Variants in TEX14 observed in about 807,000 individuals in gnomAD.
TEX14 encodes testis expressed 14, intercellular bridge forming factor.
TEX14 carries 168 observed loss-of-function variants against 178.6 expected under a neutral mutation model. That is an observed-to-expected ratio of 0.94 (90% CI 0.83 to 1.07). The LOEUF (loss-of-function observed/expected upper bound fraction) is 1.07. TEX14 is among the 50% of genes least tolerant of loss of function. The pLI, the probability that TEX14 is intolerant of heterozygous loss-of-function variation, is 0.00. For synonymous variants in TEX14, 626 were observed against 634.1 expected, an observed-to-expected ratio of 0.99 and a Z score of 0.19; for missense variants, 1,730 against 1,753.6, an observed-to-expected ratio of 0.99 and a Z score of 0.24.
Position 58,599,222 on chromosome 17 carries a change from G to A in TEX14, c.2123C>T (p.Ser708Leu). 6.2e-7 allele frequency: 1 copy of A among 1,614,008 alleles called. No individual in the cohort carries two copies. Among genetic ancestry groups the A allele is most frequent in the South Asian group, 1.1e-5 (1 of 91,080 alleles). Residue 708 changes from serine (S) to leucine (L), a missense_variant, in exon 14 of 32, where the codon TCA becomes TTA. This residue lies in a region of TEX14 where 941 missense variants were observed against 1,072.4 expected (regional missense o/e 0.88). Coordinates refer to ENST00000349033, the MANE Select transcript of TEX14 (RefSeq NM_031272.5). Reference sequence around the variant, plus strand: ...CAAATTGCTCTTGGCTTCTCTGGTTGACTCAGGAAGGCTGAGTGAACTGAG... The same window carrying A: ...CAAATTGCTCTTGGCTTCTCTGGTTAACTCAGGAAGGCTGAGTGAACTGAG... ...GSLSSLSLPE[S>L]TREAKSNLNN... is the part of the protein sequence containing the mutation.
chr17:58,623,092 G>T, intron 3 of TEX14, 80 bp from the exon 4 acceptor site: 1 of 1,342,206 alleles, frequency 7.5e-7, no homozygotes. Flanking sequence ...GTGCAACACA[G>T]GGCTCCCATT....
In TEX14 at chr17:58,628,668, C is replaced by A. The variant is rs952366849; in HGVS notation, c.251+1772G>T. ...CACAGATTGCAATGAGCCGAGATTG[C>A]GCCACTGCACTCCAGCCTGGGCAAC... is the stretch of plus-strand genomic sequence containing the variant. On this transcript the variant is annotated intron_variant, in intron 3 of 31. Coordinates refer to ENST00000349033, the MANE Select transcript of TEX14 (RefSeq NM_031272.5). 2.0e-5 allele frequency among the ~76,000 whole-genome samples: 3 copies of A among 151,200 alleles called. No homozygotes were observed. In the East Asian group the frequency reaches 5.8e-4, roughly 29 times the overall value.
intron 15 of TEX14, among the ~76,000 whole-genome samples, chr17:58,588,733 C>T (rs774573970): frequency 1.3e-4 from 20 of 152,148 alleles, no homozygotes; most frequent in Non-Finnish European, 2.8e-4. Flanking sequence ...GCCAAGGCTT[C>T]CTCATTTGCA....
At position 58,574,252 on chromosome 17, in the gene TEX14, G is replaced by A. The variant is rs2144371100; in HGVS notation, c.3321-3C>T. 1.2e-6 allele frequency: 2 copies of A among 1,610,546 alleles called. No homozygotes were observed. The highest frequency in any genetic ancestry group is 1.7e-6 in the Non-Finnish European group (2 of 1,177,328). On this transcript the variant is annotated splice_region_variant and splice_polypyrimidine_tract_variant and intron_variant, in intron 21 of 31. Transcript: ENST00000349033. The stretch of plus-strand genomic sequence containing the variant: ...TCTCTTCTTGTTCATCTTCAGTACT[G>A]TGAGAAAGAAAGTAAGAAAATTACA...
intron 2 of TEX14, among the ~76,000 whole-genome samples, chr17:58,645,784 C>T (rs189018136): frequency 7.9e-5 from 12 of 152,302 alleles, no homozygotes; most frequent in African/African-American, 2.9e-4. Flanking sequence ...AGACAGTCAT[C>T]CCTCGGTACC....
At position 58,636,879 on chromosome 17, in the gene TEX14, CT is replaced by C. The variant is rs557975127; in HGVS notation, c.137-6326del. On this transcript the variant is annotated intron_variant, in intron 2 of 31. Transcript: ENST00000349033. ...AGTGAGCTGAGATCGCGCCACTACA[CT>C]CCAGCCTGGGCGACAGAGTGAGACT... Among the ~76,000 whole-genome samples the C allele has an allele frequency of 4.4e-3, 666 of 151,786 alleles. 3 individuals carry two copies. The highest frequency in any genetic ancestry group is 0.015 in the African/African-American group (634 of 41,312).
chr17:58,661,793 G>A (rs1212724152), intron 1 of TEX14: 5 of 500,168 alleles, frequency 1.0e-5, no homozygotes, highest in Non-Finnish European at 1.7e-5. Context: ...GCTCCACTCC[G>A]GGTCTTCGTC....
chr17:58,651,879 T>C lies in TEX14; in HGVS notation c.123A>G (p.Lys41=). The C allele has an allele frequency of 1.5e-5, 24 of 1,605,810 alleles. No homozygotes were observed. Among genetic ancestry groups the C allele is most frequent in the Non-Finnish European group, 2.0e-5 (24 of 1,177,988 alleles). ...VKQGNYVKVK[K]ILKKGIYVDA... is the part of the protein sequence containing the mutation. ...CATGGTGCTTACCTTTCTTAAGAAT[T>C]TTCTTCACTTTCACATAGTTCCCTT... The change falls in exon 2 of 32, where the codon AAA becomes AAG. Residue 41 remains lysine, a synonymous_variant. Coordinates refer to ENST00000349033, the MANE Select transcript of TEX14 (RefSeq NM_031272.5).
chr17:58,577,324 T>A (rs764146837), intron 21 of TEX14, 51 bp downstream of exon 21: 2 of 729,250 alleles, frequency 2.7e-6, no homozygotes, highest in Non-Finnish European at 2.2e-6. Flanking sequence ...TATCACCATT[T>A]AACATTGCAT....
intron 1 of TEX14, among the ~76,000 whole-genome samples, chr17:58,659,597 T>A (rs1250420636): frequency 2.0e-5 from 3 of 152,230 alleles, no homozygotes; most frequent in Non-Finnish European, 2.9e-5. Flanking sequence ...TCGCTCTAGC[T>A]GCCGCTCCCA....
chr17:58,642,435 C>T (rs2046595893), intron 2 of TEX14, among the ~76,000 whole-genome samples: 1 of 152,042 alleles, frequency 6.6e-6, no homozygotes, highest in South Asian at 2.1e-4. Context: ...TAATTTTTTT[C>T]AGAAAAAGGG....
chr17:58,655,472 G>A (rs1031101316), intron 1 of TEX14, among the ~76,000 whole-genome samples: 7 of 152,052 alleles, frequency 4.6e-5, no homozygotes, highest in Admixed American at 1.3e-4. Context: ...AGAAGCCACC[G>A]CACCCGGCGA....
rs1327859550 is a variant in TEX14, at chr17:58,633,217, G to A, written c.137-2663C>T. Among the ~76,000 whole-genome samples, 4 of 152,046 alleles carry A rather than the reference G, an allele frequency of 2.6e-5. No homozygotes were observed. In the East Asian group the frequency reaches 7.7e-4, roughly 29 times the overall value. On this transcript the variant is annotated intron_variant, in intron 2 of 31. Transcript: ENST00000349033. ...ACTTATCTTCATCATTCAGACATTGGTCCAAATGTCATTGTCTCAGGAAAT... is the reference window on the plus strand; with the variant it reads ...ACTTATCTTCATCATTCAGACATTGATCCAAATGTCATTGTCTCAGGAAAT...
At chr17:58,594,663 TCTTGTACTTATCCATAAAGTAAGAC>T (rs1567724404) in intron 14 of TEX14, among the ~76,000 whole-genome samples, 1 of 152,162 alleles carries the variant, frequency 6.6e-6, no homozygotes, top group Non-Finnish European at 1.5e-5. Flanking sequence ...ACTAAGAGAA[TCTTGTACTTATCCATAAAGTAAGAC>T]CTTGTACTTA....
At chr17:58,638,120 A>G (rs2046481896) in intron 2 of TEX14, among the ~76,000 whole-genome samples, 1 of 152,046 alleles carries the variant, frequency 6.6e-6, no homozygotes, top group African/African-American at 2.4e-5. Context: ...TCAGCCTCCC[A>G]GAAGTGCTGG....
rs115209736 is a variant in TEX14 at position 58,614,994 on chromosome 17, C to T, written c.881+238G>A. ...GCATTCAGAGACATGGGTTACAGGG[C>T]GGCTGACAGCTGACAGAGCCCCTCA... On this transcript the variant is annotated intron_variant, in intron 8 of 31. Coordinates refer to ENST00000349033, the MANE Select transcript of TEX14 (RefSeq NM_031272.5). Among the ~76,000 whole-genome samples the T allele has an allele frequency of 1.9e-3, 296 of 152,316 alleles. 2 individuals carry two copies. Among genetic ancestry groups the T allele is most frequent in the African/African-American group, 6.8e-3 (282 of 41,578 alleles).
intron 1 of TEX14, among the ~76,000 whole-genome samples, chr17:58,687,560 T>A (rs2047622627): frequency 6.6e-6 from 1 of 151,948 alleles, no homozygotes. Context: ...GGTCTTGAAC[T>A]CATCTCAAGT....
chr17:58,666,931 T>C (rs1682397434), intron 1 of TEX14, among the ~76,000 whole-genome samples: 1 of 152,212 alleles, frequency 6.6e-6, no homozygotes, highest in South Asian at 2.1e-4. Flanking sequence ...ACGTCATGCA[T>C]AGGCCTGGCT....
chr17:58,655,620 A>G (rs1339000598), intron 1 of TEX14, among the ~76,000 whole-genome samples: 2 of 152,090 alleles, frequency 1.3e-5, no homozygotes, highest in South Asian at 2.1e-4. Context: ...GCACCTGGCC[A>G]ATAAACTCCC....
Sources: allele counts gnomAD v4.1 joint callset (sites outside exome capture counted in the v4.1 genomes callset), GRCh38; gene constraint gnomAD v4.1.1; regional missense constraint gnomAD v4.1.1; transcripts MANE v1.5; gene names NCBI Gene and HGNC (gene_info 2026-07-23, HGNC 2026-07-21).